The following CDYL2 variants were observed in gnomAD, a reference collection of about 807,000 sequenced individuals.
CDYL2 encodes chromodomain Y like 2, also known as chromodomain Y-like protein 2.
A neutral mutation model predicts 49.4 loss-of-function variants in CDYL2; 23 were observed. The observed-to-expected ratio is 0.47, with a 90% CI of 0.34 to 0.66. The LOEUF is 0.66. Ranked by LOEUF, CDYL2 falls within the 30% of genes least tolerant of loss-of-function variation. The pLI is 0.01. For synonymous variants in CDYL2, 360 were observed against 268.8 expected, an observed-to-expected ratio of 1.34 and a Z score of -3.32; for missense variants, 678 against 656.4, an observed-to-expected ratio of 1.03 and a Z score of -0.36.
chr16:80,793,905 T>A (rs989384807), intron 1 of CDYL2, among the ~76,000 whole-genome samples: 6 of 152,210 alleles, frequency 3.9e-5, no homozygotes, highest in Non-Finnish European at 7.3e-5. Context: ...CCCGTAACAG[T>A]CTCGGCAGTC....
chr16:80,634,146 G>T (rs75827681), intron 2 of CDYL2, among the ~76,000 whole-genome samples: 6,602 of 151,790 alleles, frequency 0.043, 301 homozygotes, highest in Admixed American at 0.15. Context: ...AATGAAAGAG[G>T]GGGCATCACT....
intron 2 of CDYL2, among the ~76,000 whole-genome samples, chr16:80,682,984 G>A (rs945573091): frequency 6.6e-6 from 1 of 152,184 alleles, no homozygotes; most frequent in African/African-American, 2.4e-5. Context: ...GGAGAAAGAG[G>A]AGCCTCAACA....
intron 1 of CDYL2, among the ~76,000 whole-genome samples, chr16:80,688,311 G>A (rs1910279052): frequency 6.6e-6 from 1 of 152,108 alleles, no homozygotes; most frequent in East Asian, 1.9e-4. Flanking sequence ...CTAATAGCCT[G>A]GTATGTGGAG....
intron 1 of CDYL2, among the ~76,000 whole-genome samples, chr16:80,762,563 G>C (rs1906569061): frequency 6.6e-6 from 1 of 152,184 alleles, no homozygotes; most frequent in Non-Finnish European, 1.5e-5. Context: ...GCTTGGAAAA[G>C]TTGCTGCCAT....
chr16:80,625,251 A>G (rs1567545418), intron 3 of CDYL2, among the ~76,000 whole-genome samples: 2 of 152,192 alleles, frequency 1.3e-5, no homozygotes, highest in Non-Finnish European at 2.9e-5. Context: ...TCCCTTTTCC[A>G]GCTTATAGAG....
intron 1 of CDYL2, among the ~76,000 whole-genome samples, chr16:80,800,258 A>G (rs1907885823): frequency 2.0e-5 from 3 of 152,196 alleles, no homozygotes; most frequent in Non-Finnish European, 4.4e-5. Context: ...TTCTCCTTAT[A>G]CAGATAAACG....
intron 5 of CDYL2, among the ~76,000 whole-genome samples, chr16:80,609,597 C>T (rs1906504108): frequency 6.6e-6 from 1 of 152,212 alleles, no homozygotes; most frequent in Non-Finnish European, 1.5e-5. Flanking sequence ...CAGAAGTTCG[C>T]TGGGAGAAGG....
intron 1 of CDYL2, among the ~76,000 whole-genome samples, chr16:80,751,801 CAG>C (rs1020804928): frequency 1.1e-4 from 17 of 152,166 alleles, no homozygotes; most frequent in Non-Finnish European, 1.9e-4. Context: ...GAGGGATAAT[CAG>C]AGATAGCTGA....
intron 1 of CDYL2, among the ~76,000 whole-genome samples, chr16:80,740,485 C>G (rs1308885409): frequency 6.6e-6 from 1 of 152,130 alleles, no homozygotes; most frequent in African/African-American, 2.4e-5. Flanking sequence ...GCCTGACATT[C>G]AAAACCATTA....
chr16:80,643,549 G>C (rs1321747393), intron 2 of CDYL2, among the ~76,000 whole-genome samples: 1 of 152,248 alleles, frequency 6.6e-6, no homozygotes, highest in Non-Finnish European at 1.5e-5. Flanking sequence ...AGAGAGCCCT[G>C]CCCCTGCAGC....
intron 1 of CDYL2, among the ~76,000 whole-genome samples, chr16:80,763,098 G>A (rs1418531879): frequency 3.3e-5 from 5 of 151,880 alleles, no homozygotes; most frequent in African/African-American, 9.7e-5. Flanking sequence ...AGCCCAGGAG[G>A]TTGAGGCTGT....
At chr16:80,757,567 T>TATAC (rs1555535745) in intron 1 of CDYL2, among the ~76,000 whole-genome samples, 3 of 150,000 alleles carry the variant, frequency 2.0e-5, no homozygotes, top group African/African-American at 4.9e-5. Context: ...TATATATATA[T>TATAC]ACACACACAC....
intron 1 of CDYL2, among the ~76,000 whole-genome samples, chr16:80,712,209 A>ATATATATC (rs1399192442): frequency 7.8e-5 from 10 of 128,862 alleles, no homozygotes; most frequent in African/African-American, 2.6e-4. Context: ...ATATATATAT[A>ATATATATC]TATATATCTC....
At position 80,698,444 on chromosome 16, in the gene CDYL2, G is replaced by C. The variant is rs143556011; in HGVS notation, c.25-13315C>G. Among the ~76,000 whole-genome samples, 30 of 152,236 alleles carry C rather than the reference G, an allele frequency of 2.0e-4. No individual in the cohort carries two copies. The East Asian group carries it at 5.2e-3, about 26-fold the overall frequency. Reference sequence around the variant, plus strand: ...TAGCTGAATTAAAAAATGGGCCAATGATCTGAAAAGACATTTCTCAAAAGA... The same window carrying C: ...TAGCTGAATTAAAAAATGGGCCAATCATCTGAAAAGACATTTCTCAAAAGA... On this transcript the variant is annotated intron_variant, in intron 1 of 6. Transcript: ENST00000570137.
rs1434891894 is a variant in CDYL2, at chr16:80,728,959, C to T, written c.25-43830G>A. On this transcript the variant is annotated intron_variant, in intron 1 of 6. Transcript: ENST00000570137. ...AAGAGCTCCTGAAGGAAGCGCTAAA[C>T]ATGGAAAGGAACAACCGGTACCAGC... is the stretch of plus-strand genomic sequence containing the variant. 2.6e-5 allele frequency among the ~76,000 whole-genome samples: 4 copies of T among 151,746 alleles called. No individual in the cohort carries two copies. The East Asian group carries it at 7.7e-4, about 29-fold the overall frequency.
chr16:80,717,897 A>G (rs1341221286), intron 1 of CDYL2, among the ~76,000 whole-genome samples: 2 of 152,216 alleles, frequency 1.3e-5, no homozygotes, highest in Non-Finnish European at 2.9e-5. Flanking sequence ...CGTGGAAGCA[A>G]AAGTAGGGCA....
intron 1 of CDYL2, among the ~76,000 whole-genome samples, chr16:80,700,427 C>T (rs1235838998): frequency 6.6e-6 from 1 of 151,894 alleles, no homozygotes; most frequent in African/African-American, 2.4e-5. Context: ...TTCACATTTG[C>T]AACAAAAGAG....
chr16:80,679,355 C>T (rs982962663), intron 2 of CDYL2, among the ~76,000 whole-genome samples: 2 of 152,172 alleles, frequency 1.3e-5, no homozygotes, highest in African/African-American at 4.8e-5. Flanking sequence ...GACCCTCCCC[C>T]AGTCACAAAA....
chr16:80,620,855 G>A lies in CDYL2; in HGVS notation c.915C>T (p.Ser305=), dbSNP rs547188605. 4.3e-6 allele frequency: 7 copies of A among 1,613,444 alleles called. No individual in the cohort carries two copies. In the East Asian group the frequency reaches 6.7e-5, roughly 15 times the overall value. ...AATAATCCAGGCCGCTGCAGAACAC[G>A]CTCCCCACTGCGCTGAGGAGCAGCA... ...SKLLLLSAVG[S]VFCSGLDYSY... Residue 305 remains serine, a synonymous_variant, in exon 4 of 7, where the codon AGC becomes AGT. Coordinates refer to ENST00000570137, the MANE Select transcript of CDYL2 (RefSeq NM_152342.4).
Sources: allele counts gnomAD v4.1 joint callset (sites outside exome capture counted in the v4.1 genomes callset), GRCh38; gene constraint gnomAD v4.1.1; transcripts MANE v1.5; gene names NCBI Gene and HGNC (gene_info 2026-07-23, HGNC 2026-07-21).